POFUT3: variants seen among roughly 807,000 people sequenced by gnomAD.
POFUT3 encodes the protein GDP-fucose protein O-fucosyltransferase 3.
chr8:33,448,024 TTATGGTCATGAGTGTCTATTCAAA>T, the POFUT3 span, among the ~76,000 whole-genome samples: 1 of 152,218 alleles, frequency 6.6e-6, no homozygotes, highest in Non-Finnish European at 1.5e-5. Context: ...TCAGGTTTAA[TTATGGTCATGAGTGTCTATTCAAA>T]TATGGTCTAG....
the POFUT3 span, among the ~76,000 whole-genome samples, chr8:33,311,010 G>T: frequency 1.3e-5 from 2 of 152,162 alleles, no homozygotes; most frequent in East Asian, 1.9e-4. Flanking sequence ...CAAAGCATTC[G>T]CTTTATCTTG....
At chr8:33,350,824 CAAA>C in the POFUT3 span, among the ~76,000 whole-genome samples, 1 of 151,912 alleles carries the variant, frequency 6.6e-6, no homozygotes. Context: ...GTATTGACTG[CAAA>C]GAGAAACTAA....
At chr8:33,448,081 T>G in the POFUT3 span, among the ~76,000 whole-genome samples, 5 of 152,272 alleles carry the variant, frequency 3.3e-5, no homozygotes, top group Admixed American at 6.5e-5. Flanking sequence ...GGCTCACACC[T>G]GTAATCCCAA....
the POFUT3 span, among the ~76,000 whole-genome samples, chr8:33,418,397 G>GA: frequency 4.2e-4 from 59 of 141,528 alleles, no homozygotes; most frequent in Non-Finnish European, 6.9e-4. Context: ...GATGATGTGG[G>GA]AAAAAAGGGA....
the POFUT3 span, chr8:33,388,832 T>G: frequency 1.3e-6 from 1 of 759,028 alleles, no homozygotes; most frequent in Non-Finnish European, 2.2e-6. Context: ...TCAACCTTCC[T>G]GCAAAGCCCG....
chr8:33,441,073 G>C, the POFUT3 span, among the ~76,000 whole-genome samples: 1 of 152,226 alleles, frequency 6.6e-6, no homozygotes, highest in East Asian at 1.9e-4. Context: ...GCTCACGCCT[G>C]TAATCCCAGC....
chr8:33,438,863 T>C, the POFUT3 span, among the ~76,000 whole-genome samples: 1 of 152,144 alleles, frequency 6.6e-6, no homozygotes, highest in Non-Finnish European at 1.5e-5. Context: ...ATTTATTCAC[T>C]ACCATGTGAA....
chr8:33,469,417 T>A, the POFUT3 span, among the ~76,000 whole-genome samples: 5 of 152,352 alleles, frequency 3.3e-5, no homozygotes, highest in South Asian at 1.0e-3. Flanking sequence ...TAAAGCATGC[T>A]TTGGATTGTA....
the POFUT3 span, among the ~76,000 whole-genome samples, chr8:33,323,838 A>G: frequency 7.3e-3 from 1,119 of 152,298 alleles, 6 homozygotes; most frequent in South Asian, 0.014. Context: ...CATTCTACAT[A>G]AGATGATGTA....
chr8:33,429,325 C>T, the POFUT3 span, among the ~76,000 whole-genome samples: 2 of 151,996 alleles, frequency 1.3e-5, no homozygotes, highest in East Asian at 1.9e-4. Flanking sequence ...CTCACATCAC[C>T]CCTCTCCCTG....
At chr8:33,363,060 A>G in the POFUT3 span, among the ~76,000 whole-genome samples, 4 of 152,340 alleles carry the variant, frequency 2.6e-5, no homozygotes, top group Non-Finnish European at 4.4e-5. Flanking sequence ...AGAAATCACA[A>G]CAAACTGTCT....
At chr8:33,389,653 G>A in the POFUT3 span, 3 of 1,614,062 alleles carry the variant, frequency 1.9e-6, no homozygotes, top group South Asian at 1.1e-5. Context: ...GGGAATGCCT[G>A]CTGAACGTGG....
the POFUT3 span, among the ~76,000 whole-genome samples, chr8:33,465,427 T>TAG: frequency 1.1e-5 from 1 of 92,948 alleles, no homozygotes; most frequent in African/African-American, 4.8e-5. Context: ...TACATATATA[T>TAG]ATAGAGAGAG....
the POFUT3 span, among the ~76,000 whole-genome samples, chr8:33,351,448 G>C: frequency 3.9e-5 from 6 of 152,176 alleles, no homozygotes; most frequent in East Asian, 1.2e-3. Flanking sequence ...TCGGCGGGGG[G>C]CAGGGGGTGT....
At chr8:33,375,991 T>G in the POFUT3 span, among the ~76,000 whole-genome samples, 1 of 147,992 alleles carries the variant, frequency 6.8e-6, no homozygotes, top group Non-Finnish European at 1.5e-5. Context: ...CACACCAGCC[T>G]GGGTGAGAGA....
chr8:33,411,543 C>T, the POFUT3 span, among the ~76,000 whole-genome samples: 3 of 152,144 alleles, frequency 2.0e-5, no homozygotes, highest in African/African-American at 7.2e-5. Flanking sequence ...AATCCCAGCA[C>T]TTTGGGAGGC....
the POFUT3 span, among the ~76,000 whole-genome samples, chr8:33,416,736 C>T: frequency 2.0e-5 from 3 of 150,690 alleles, no homozygotes; most frequent in African/African-American, 7.3e-5. Flanking sequence ...ATCCCAGCTA[C>T]TCTGGAGGCT....
At chr8:33,471,137 A>G in the POFUT3 span, among the ~76,000 whole-genome samples, 4 of 152,230 alleles carry the variant, frequency 2.6e-5, no homozygotes, top group African/African-American at 9.6e-5. Flanking sequence ...AAACATTGTA[A>G]CAAATGTTCA....
the POFUT3 span, among the ~76,000 whole-genome samples, chr8:33,353,604 A>G: frequency 6.6e-6 from 1 of 152,286 alleles, no homozygotes; most frequent in Admixed American, 6.5e-5. Flanking sequence ...GGATTGTGCA[A>G]CTTCAACAGA....
Sources: gnomAD v4.1 joint callset for allele counts (sites outside exome capture counted in the v4.1 genomes callset) on GRCh38, gnomAD v4.1.1 for gene constraint, MANE v1.5 for transcripts, NCBI Gene and HGNC (gene_info 2026-07-23, HGNC 2026-07-21) for gene names.